Variants in RHBDD1 observed in about 807,000 individuals in gnomAD.
RHBDD1 encodes the protein rhomboid-related protein 4.
A neutral mutation model predicts 36.3 loss-of-function variants in RHBDD1; 38 were observed. That is an observed-to-expected ratio of 1.05 (90% CI 0.81 to 1.37). RHBDD1 has a LOEUF of 1.37. RHBDD1 is among the 40% of genes most tolerant of loss of function. The pLI is 0.00. For synonymous variants in RHBDD1, 151 were observed against 136.5 expected, an observed-to-expected ratio of 1.11 and a Z score of -0.74; for missense variants, 393 against 377.6, an observed-to-expected ratio of 1.04 and a Z score of -0.34.
At chr2:226,881,258 C>T (rs1033874830) in intron 5 of RHBDD1, among the ~76,000 whole-genome samples, 7 of 152,218 alleles carry the variant, frequency 4.6e-5, no homozygotes, top group African/African-American at 1.7e-4. Context: ...ATGAGGCTTA[C>T]AGTTCAAGAT....
chr2:226,864,515 G>A (rs954675163), intron 3 of RHBDD1, 89 bp from the exon 4 acceptor site: 3 of 586,144 alleles, frequency 5.1e-6, no homozygotes, highest in Non-Finnish European at 9.1e-6. Flanking sequence ...AGTAGCATTT[G>A]CCTCATGGGA....
intron 8 of RHBDD1, among the ~76,000 whole-genome samples, chr2:226,963,646 C>T (rs973738653): frequency 6.6e-6 from 1 of 152,138 alleles, no homozygotes; most frequent in African/African-American, 2.4e-5. Flanking sequence ...GCCCTTGCTT[C>T]TCACCCTTCT....
rs1179161883 is a variant in RHBDD1, at chr2:226,864,807, C to T, written c.114C>T (p.Asn38=). The change falls in exon 4 of 9, where the codon AAC becomes AAT. Residue 38 remains asparagine, a synonymous_variant. Coordinates refer to ENST00000392062, the MANE Select transcript of RHBDD1 (RefSeq NM_001167608.3). ...TCACCCTAGCAACTTTGGCCCTCAACATCTGGTTCTTCTTGAACCCTCAGA... is the reference window on the plus strand; with the variant it reads ...TCACCCTAGCAACTTTGGCCCTCAATATCTGGTTCTTCTTGAACCCTCAGA... ...PPVTLATLAL[N]IWFFLNPQKP... is the part of the protein sequence containing the mutation. 4 of 1,614,084 alleles carry T rather than the reference C, an allele frequency of 2.5e-6. No homozygotes were observed. The highest frequency in any genetic ancestry group is 3.4e-6 in the Non-Finnish European group (4 of 1,180,034).
chr2:226,810,980 G>A, the RHBDD1 span: 1 of 152,200 alleles, frequency 6.6e-6, no homozygotes, highest in Non-Finnish European at 1.5e-5. Flanking sequence ...TCCCCCAGGT[G>A]ACCTTGCTCG....
chr2:226,878,927 A>C (rs1473811940), intron 5 of RHBDD1, among the ~76,000 whole-genome samples: 1 of 152,190 alleles, frequency 6.6e-6, no homozygotes, highest in Non-Finnish European at 1.5e-5. Context: ...TCTTGGGGAC[A>C]GATCCATACT....
In RHBDD1 at chr2:226,914,362, T is replaced by TG; in HGVS notation, c.856+12dup. The TG allele has an allele frequency of 6.2e-7, 1 of 1,608,764 alleles. No homozygotes were observed. Among genetic ancestry groups the TG allele is most frequent in the South Asian group, 1.1e-5 (1 of 89,870 alleles). On this transcript the variant is annotated intron_variant, in intron 8 of 8. Transcript: ENST00000392062. ...GCCTCTGGGACCGAGGTAGGAGTCT[T>TG]GCGCCCTTCAGTTATTTTAAAGCAT... is the stretch of plus-strand genomic sequence containing the variant.
At chr2:226,989,744 A>G (rs1957762015) in intron 8 of RHBDD1, among the ~76,000 whole-genome samples, 1 of 152,192 alleles carries the variant, frequency 6.6e-6, no homozygotes, top group Admixed American at 6.5e-5. Flanking sequence ...GTTGATTTTA[A>G]GTCATTTTTG....
At chr2:226,899,620 A>T (rs905710996) in intron 5 of RHBDD1, among the ~76,000 whole-genome samples, 1 of 152,230 alleles carries the variant, frequency 6.6e-6, no homozygotes. Context: ...AAATAAAGAG[A>T]AAATCTTTGA....
At chr2:226,965,416 C>T (rs1952546971) in intron 8 of RHBDD1, among the ~76,000 whole-genome samples, 2 of 152,132 alleles carry the variant, frequency 1.3e-5, no homozygotes, top group African/African-American at 4.8e-5. Context: ...GTTATAGCAA[C>T]CCTAGGAAAC....
At position 226,952,006 on chromosome 2, in the gene RHBDD1, G is replaced by C. The variant is rs567891406; in HGVS notation, c.856+37655G>C. On this transcript the variant is annotated intron_variant, in intron 8 of 8. Transcript: ENST00000392062. ...GCTATCTATTAGAATCATTTGGGGAGCTTTGTACAGTTGCCAGTGCTCTGG... is the reference window on the plus strand; with the variant it reads ...GCTATCTATTAGAATCATTTGGGGACCTTTGTACAGTTGCCAGTGCTCTGG... Among the ~76,000 whole-genome samples the C allele has an allele frequency of 9.8e-5, 15 of 152,296 alleles. No individual in the cohort carries two copies. In the South Asian group the frequency reaches 3.1e-3, roughly 32 times the overall value.
chr2:226,858,036 C>A (rs1406448995), intron 3 of RHBDD1, among the ~76,000 whole-genome samples: 1 of 152,118 alleles, frequency 6.6e-6, no homozygotes, highest in Non-Finnish European at 1.5e-5. Flanking sequence ...TCAAGGTCAT[C>A]GCCAAGGTCT....
At chr2:226,876,286 G>GTCCATTACACTGTCCATTT (rs1945234930) in intron 5 of RHBDD1, among the ~76,000 whole-genome samples, 18 of 152,152 alleles carry the variant, frequency 1.2e-4, no homozygotes, top group South Asian at 4.1e-4. Flanking sequence ...TTACACTGTT[G>GTCCATTACACTGTCCATTT]ACATAGACAA....
intron 5 of RHBDD1, among the ~76,000 whole-genome samples, chr2:226,892,248 T>C (rs1424380215): frequency 6.6e-6 from 1 of 152,248 alleles, no homozygotes; most frequent in Non-Finnish European, 1.5e-5. Flanking sequence ...GTGATGTTGA[T>C]GGCATGTTAA....
At chr2:226,862,205 A>C (rs1943917328) in intron 3 of RHBDD1, among the ~76,000 whole-genome samples, 1 of 152,200 alleles carries the variant, frequency 6.6e-6, no homozygotes, top group Admixed American at 6.5e-5. Context: ...AGTAGTAGCT[A>C]CTGTTTATTC....
At chr2:226,908,566 G>T in intron 6 of RHBDD1, 2 of 424,684 alleles carry the variant, frequency 4.7e-6, no homozygotes, top group Non-Finnish European at 4.2e-6. Context: ...GTGTAAATTA[G>T]GGTTTCATTT....
chr2:226,806,722 CTCTT>C, the RHBDD1 span, among the ~76,000 whole-genome samples: 1 of 152,176 alleles, frequency 6.6e-6, no homozygotes, highest in African/African-American at 2.4e-5. Context: ...TTTCTTATCT[CTCTT>C]TCTCTCAATC....
At chr2:226,922,623 T>C (rs78771800) in intron 8 of RHBDD1, among the ~76,000 whole-genome samples, 2,092 of 152,308 alleles carry the variant, frequency 0.014, 41 homozygotes, top group African/African-American at 0.048. Context: ...AATGCTATTA[T>C]TGTTTAGTAA....
the RHBDD1 span, among the ~76,000 whole-genome samples, chr2:226,814,528 C>A: frequency 6.6e-6 from 1 of 151,898 alleles, no homozygotes; most frequent in Non-Finnish European, 1.5e-5. Context: ...AAAATGGAAA[C>A]CTTGAGCAAA....
chr2:226,842,022 T>C (rs1269510301), intron 3 of RHBDD1, among the ~76,000 whole-genome samples: 1 of 152,254 alleles, frequency 6.6e-6, no homozygotes, highest in East Asian at 1.9e-4. Context: ...CATTGTGGTT[T>C]TGATTTGCAT....
Sources: allele counts gnomAD v4.1 joint callset (sites outside exome capture counted in the v4.1 genomes callset), GRCh38; gene constraint gnomAD v4.1.1; transcripts MANE v1.5; gene names NCBI Gene and HGNC (gene_info 2026-07-23, HGNC 2026-07-21).